Variants in RARS2 observed in about 807,000 individuals in gnomAD.
The protein encoded by RARS2 is arginyl-tRNA synthetase 2, mitochondrial.
RARS2 carries 67 observed loss-of-function variants against 88.5 expected under a neutral mutation model. The observed-to-expected ratio is 0.76, with a 90% CI of 0.62 to 0.93. The LOEUF is 0.93. Ranked by LOEUF, RARS2 falls within the 40% of genes least tolerant of loss-of-function variation. RARS2 has a pLI of 0.00. For missense variants in RARS2, 664 were observed against 684.2 expected, an observed-to-expected ratio of 0.97 and a Z score of 0.33; for synonymous variants, 239 against 230.3, an observed-to-expected ratio of 1.04 and a Z score of -0.34.
intron 2 of RARS2, among the ~76,000 whole-genome samples, chr6:87,568,605 T>C (rs1359102037): frequency 6.6e-6 from 1 of 152,196 alleles, no homozygotes; most frequent in Non-Finnish European, 1.5e-5. Flanking sequence ...TCTATTTACA[T>C]ATAATCATGA....
intron 5 of RARS2, among the ~76,000 whole-genome samples, chr6:87,554,298 C>T (rs1785151373): frequency 1.3e-5 from 2 of 152,110 alleles, no homozygotes; most frequent in Non-Finnish European, 2.9e-5. Context: ...CTCTTGGTTA[C>T]CTCTAACAGT....
At chr6:87,589,846 A>C in intron 1 of RARS2, 76 bp downstream of exon 1, 6 of 1,613,868 alleles carry the variant, frequency 3.7e-6, no homozygotes. Flanking sequence ...CTGACTGAGG[A>C]CTGGCCCGCA....
chr6:87,524,372 T>C (rs575863647), intron 11 of RARS2, among the ~76,000 whole-genome samples, 185 bp downstream of exon 11: 1 of 152,258 alleles, frequency 6.6e-6, no homozygotes, highest in Non-Finnish European at 1.5e-5. Context: ...TCTTTTAGTA[T>C]ACATTTCCTG....
intron 1 of RARS2, among the ~76,000 whole-genome samples, chr6:87,588,447 A>C (rs1775836863): frequency 6.6e-6 from 1 of 152,094 alleles, no homozygotes; most frequent in Admixed American, 6.5e-5. Context: ...AGCTCACTGT[A>C]GCTTCAAACT....
chr6:87,583,161 G>A (rs1774116967), intron 1 of RARS2, among the ~76,000 whole-genome samples: 1 of 152,214 alleles, frequency 6.6e-6, no homozygotes, highest in Admixed American at 6.5e-5. Context: ...AAGTTATACA[G>A]AACGATGAAG....
At chr6:87,525,463 G>A (rs1420244166) in intron 10 of RARS2, among the ~76,000 whole-genome samples, 2 of 151,052 alleles carry the variant, frequency 1.3e-5, no homozygotes, top group African/African-American at 4.9e-5. Flanking sequence ...AAACCCTGAA[G>A]AATCCGCCAA....
chr6:87,589,895 C>T (rs1267357632), intron 1 of RARS2, 27 bp downstream of exon 1: 2 of 1,614,106 alleles, frequency 1.2e-6, no homozygotes, highest in African/African-American at 1.3e-5. Context: ...TCCTCAGGGA[C>T]TCCTCTGCGC....
At chr6:87,533,815 TATG>T (rs1778307781) in intron 8 of RARS2, among the ~76,000 whole-genome samples, 1 of 152,232 alleles carries the variant, frequency 6.6e-6, no homozygotes, top group Non-Finnish European at 1.5e-5. Flanking sequence ...TTAAAAGTAG[TATG>T]ATAAGCCTTT....
chr6:87,528,372 C>A (rs1364126544), intron 10 of RARS2, among the ~76,000 whole-genome samples: 2 of 151,790 alleles, frequency 1.3e-5, no homozygotes, highest in Non-Finnish European at 2.9e-5. Context: ...AAACAGAAAA[C>A]AGAACATCCA....
At chr6:87,523,561 C>T (rs1774677082) in intron 11 of RARS2, among the ~76,000 whole-genome samples, 1 of 152,108 alleles carries the variant, frequency 6.6e-6, no homozygotes, top group Admixed American at 6.6e-5. Context: ...ACAGAAAAGT[C>T]TACATCTAAT....
chr6:87,531,009 A>G (rs552894946), intron 8 of RARS2, 67 bp from the exon 9 acceptor site: 2 of 1,595,338 alleles, frequency 1.3e-6, no homozygotes, highest in Non-Finnish European at 1.7e-6. Flanking sequence ...CACGGAAAGA[A>G]AGCAAAAAAA....
intron 4 of RARS2, among the ~76,000 whole-genome samples, chr6:87,559,983 T>C (rs527459140): frequency 6.6e-6 from 1 of 152,260 alleles, no homozygotes; most frequent in African/African-American, 2.4e-5. Context: ...TTTTACATGA[T>C]GCACAAGTTT....
At chr6:87,576,093 C>CCCGG (rs1562254647) in intron 1 of RARS2, among the ~76,000 whole-genome samples, 63 of 122,140 alleles carry the variant, frequency 5.2e-4, no homozygotes, top group South Asian at 8.6e-4. Context: ...AGCCAATGCG[C>CCCGG]CCAGCTGGAT....
In RARS2 at chr6:87,564,535, G is replaced by T. The variant is rs35610797; in HGVS notation, c.111-303C>A. 21,037 of 384,522 alleles carry T rather than the reference G, an allele frequency of 0.055. 879 individuals are homozygous for T. Among genetic ancestry groups the T allele is most frequent in the African/African-American group, 0.15 (7,026 of 47,990 alleles). The allele number at this position is 384,522 out of a possible 1,614,324, so 23.8% of individuals were successfully genotyped here. On this transcript the variant is annotated intron_variant, in intron 2 of 19. Transcript: ENST00000369536. ...CACACAAAAATTAGCCAGGCATGGT[G>T]GTGTGTACCTACAATCCCAGCTGCT... is the stretch of plus-strand genomic sequence containing the variant.
At chr6:87,565,336 T>C (rs1428756405) in intron 2 of RARS2, among the ~76,000 whole-genome samples, 3 of 152,142 alleles carry the variant, frequency 2.0e-5, no homozygotes, top group Non-Finnish European at 2.9e-5. Context: ...CACTCAGTAG[T>C]TCATTAAAGA....
At chr6:87,581,174 T>G (rs978264874) in intron 1 of RARS2, among the ~76,000 whole-genome samples, 15 of 152,194 alleles carry the variant, frequency 9.9e-5, no homozygotes, top group Admixed American at 6.5e-5. Flanking sequence ...GAGCTAAACT[T>G]GCCAGGTTCA....
At chr6:87,519,211 T>TATAGATATATATATAG (rs1772974698) in intron 14 of RARS2, 1 of 251,956 alleles carries the variant, frequency 4.0e-6, no homozygotes, top group Non-Finnish European at 7.6e-6. Context: ...TGTGTGTGTA[T>TATAGATATATATATAG]ATATATATAT....
At chr6:87,560,430 T>C (rs1177653931) in intron 4 of RARS2, among the ~76,000 whole-genome samples, 1 of 152,208 alleles carries the variant, frequency 6.6e-6, no homozygotes, top group Non-Finnish European at 1.5e-5. Context: ...TTATTTGAAG[T>C]TACAGTTTCT....
intron 1 of RARS2, among the ~76,000 whole-genome samples, chr6:87,586,546 C>T (rs978188147): frequency 1.3e-5 from 2 of 152,198 alleles, no homozygotes; most frequent in Admixed American, 6.5e-5. Flanking sequence ...GGCTGCAATG[C>T]AATTACCGGT....
Sources: allele counts gnomAD v4.1 joint callset (sites outside exome capture counted in the v4.1 genomes callset), GRCh38; gene constraint gnomAD v4.1.1; transcripts MANE v1.5; gene names NCBI Gene and HGNC (gene_info 2026-07-23, HGNC 2026-07-21).